Variants in CDH4 observed in about 807,000 individuals in gnomAD.
CDH4 encodes cadherin 4, also known as cadherin-4.
Under a neutral mutation model 86.0 loss-of-function variants are expected in CDH4, and 33 were observed. The observed-to-expected ratio is 0.38, with a 90% confidence interval of 0.29 to 0.51. CDH4 has a LOEUF of 0.51. Among genes scored for constraint, CDH4 ranks in the 20% least tolerant of loss-of-function variants. The probability of loss-of-function intolerance (pLI) is 0.86; values close to 1 mark genes in which losing one functional copy is unlikely to be tolerated. For missense variants in CDH4, 1,114 were observed against 1,307.4 expected, an observed-to-expected ratio of 0.85 and a Z score of 2.28; for synonymous variants, 555 against 549.4, an observed-to-expected ratio of 1.01 and a Z score of -0.14.
At position 61,565,222 on chromosome 20, in the gene CDH4, A is replaced by C. The variant is rs1257409185; in HGVS notation, c.170-178341A>C. Among the ~76,000 whole-genome samples the C allele has an allele frequency of 1.1e-3, 12 of 10,708 alleles. 1 individual carries two copies. The highest frequency in any genetic ancestry group is 3.0e-3 in the South Asian group (1 of 330). The allele number at this position is 10,708 out of a possible 152,430, so 7.0% of individuals were successfully genotyped here. A position where few individuals can be genotyped will look rare whatever the true frequency, so the allele number is the denominator to read the frequency against. The stretch of plus-strand genomic sequence containing the variant: ...TGGTGGTCGCGGTGCTCTCGGTGGT[A>C]GGTGGTGGTGGTGGTGGTGGCGGTG... On this transcript the variant is annotated intron_variant, in intron 2 of 15. Coordinates refer to ENST00000614565, the MANE Select transcript of CDH4 (RefSeq NM_001794.5).
chr20:61,591,519 C>T (rs911349791), intron 2 of CDH4, among the ~76,000 whole-genome samples: 26 of 152,256 alleles, frequency 1.7e-4, no homozygotes, highest in Non-Finnish European at 3.1e-4. Flanking sequence ...AAAAAATCAG[C>T]CTCACTCAGG....
At chr20:61,323,452 C>T (rs2084519959) in intron 2 of CDH4, among the ~76,000 whole-genome samples, 1 of 152,192 alleles carries the variant, frequency 6.6e-6, no homozygotes, top group African/African-American at 2.4e-5. Context: ...TTGGCTGAAT[C>T]CATGCACAGG....
At chr20:61,443,300 G>A (rs886757661) in intron 2 of CDH4, among the ~76,000 whole-genome samples, 1 of 152,150 alleles carries the variant, frequency 6.6e-6, no homozygotes, top group African/African-American at 2.4e-5. Context: ...TTAGAAATCA[G>A]CCCTGAAATG....
intron 2 of CDH4, among the ~76,000 whole-genome samples, chr20:61,353,685 C>CCT (rs2084729005): frequency 1.9e-5 from 1 of 53,462 alleles, no homozygotes; most frequent in Non-Finnish European, 3.9e-5. Flanking sequence ...TCCTCCTCCC[C>CCT]CTCCTCCTCC....
At chr20:61,929,471 G>GTGTA in intron 12 of CDH4, 138 bp from the exon 13 acceptor site, 1 of 655,448 alleles carries the variant, frequency 1.5e-6, no homozygotes, top group Non-Finnish European at 2.7e-6. Context: ...TGTAGCACAG[G>GTGTA]TGTATGTATG....
In CDH4 at chr20:61,425,923, A is replaced by G. The variant is rs147158347; in HGVS notation, c.169+170986A>G. 4.1e-4 allele frequency among the ~76,000 whole-genome samples: 62 copies of G among 152,286 alleles called. No homozygotes were observed. In the East Asian group the frequency reaches 0.012, roughly 29 times the overall value. On this transcript the variant is annotated intron_variant, in intron 2 of 15. Transcript: ENST00000614565. Reference sequence around the variant, plus strand: ...GGCCCCGCCCAGGGCAGGATGGCCAATTGCAGGAGGTGCTGATGTCCTCAG... The same window carrying G: ...GGCCCCGCCCAGGGCAGGATGGCCAGTTGCAGGAGGTGCTGATGTCCTCAG...
At chr20:61,538,926 G>A (rs1443894022) in intron 2 of CDH4, among the ~76,000 whole-genome samples, 3 of 152,220 alleles carry the variant, frequency 2.0e-5, no homozygotes, top group Non-Finnish European at 2.9e-5. Context: ...CCAGGGCACC[G>A]TGGCTTCCTG....
intron 8 of CDH4, among the ~76,000 whole-genome samples, chr20:61,906,873 A>G (rs1437454957): frequency 6.6e-6 from 1 of 151,936 alleles, no homozygotes; most frequent in Non-Finnish European, 1.5e-5. Flanking sequence ...TGTTCATGGC[A>G]TCTCTGGAGA....
At chr20:61,791,346 A>G (rs568581073) in intron 4 of CDH4, among the ~76,000 whole-genome samples, 7 of 152,356 alleles carry the variant, frequency 4.6e-5, no homozygotes, top group African/African-American at 1.4e-4. Flanking sequence ...TTGTTTTCCT[A>G]AATCATCAGC....
chr20:61,930,090 A>G (rs1422195106), intron 13 of CDH4, among the ~76,000 whole-genome samples: 2 of 152,110 alleles, frequency 1.3e-5, no homozygotes, highest in Non-Finnish European at 2.9e-5. Flanking sequence ...GCCCCTTTCC[A>G]CGGCTCCACT....
At chr20:61,571,839 C>T (rs1432020466) in intron 2 of CDH4, among the ~76,000 whole-genome samples, 1 of 149,932 alleles carries the variant, frequency 6.7e-6, no homozygotes, top group Non-Finnish European at 1.5e-5. Flanking sequence ...CATGCTGCGC[C>T]AGGCACCACA....
At chr20:61,830,576 CCGCCTCCCA>C (rs1176746180) in intron 4 of CDH4, among the ~76,000 whole-genome samples, 2 of 152,232 alleles carry the variant, frequency 1.3e-5, no homozygotes, top group African/African-American at 4.8e-5. Context: ...TGCAGCGGCC[CCGCCTCCCA>C]GGCCTCCCCC....
At chr20:61,367,246 G>T (rs915397438) in intron 2 of CDH4, among the ~76,000 whole-genome samples, 2 of 104,636 alleles carry the variant, frequency 1.9e-5, no homozygotes, top group Non-Finnish European at 4.6e-5. Context: ...TAACACACCT[G>T]AGAGTGTCTT....
intron 2 of CDH4, among the ~76,000 whole-genome samples, chr20:61,644,584 G>A (rs1298944457): frequency 1.0e-5 from 1 of 100,456 alleles, no homozygotes; most frequent in Admixed American, 9.6e-5. Flanking sequence ...CCAGCCAGAG[G>A]AGAAGCACAA....
rs2146151948 is a variant in CDH4 at position 61,875,365 on chromosome 20, T to A, written c.1050+1465T>A. Reference sequence around the variant, plus strand: ...GGTAACCCTTGGCAGCCATGCGGCTTGCGGGGAAGGCGAGGTGGCCGCCGG... The same window carrying A: ...GGTAACCCTTGGCAGCCATGCGGCTAGCGGGGAAGGCGAGGTGGCCGCCGG... On this transcript the variant is annotated intron_variant, in intron 7 of 15. Coordinates refer to ENST00000614565, the MANE Select transcript of CDH4 (RefSeq NM_001794.5). 1.3e-5 allele frequency among the ~76,000 whole-genome samples: 2 copies of A among 152,106 alleles called. 1 individual carries two copies. Among genetic ancestry groups the A allele is most frequent in the South Asian group, 4.1e-4 (2 of 4,820 alleles).
intron 4 of CDH4, among the ~76,000 whole-genome samples, chr20:61,826,050 G>A (rs1981296675): frequency 6.6e-6 from 1 of 152,100 alleles, no homozygotes; most frequent in Non-Finnish European, 1.5e-5. Context: ...GCCTCCTCAC[G>A]GTCCTCCCTG....
intron 2 of CDH4, among the ~76,000 whole-genome samples, chr20:61,293,721 C>T (rs2084336069): frequency 6.6e-6 from 1 of 152,178 alleles, no homozygotes; most frequent in South Asian, 2.1e-4. Context: ...GTGAGGACCT[C>T]CTAAATTATG....
At chr20:61,881,556 G>A (rs1354654103) in intron 7 of CDH4, among the ~76,000 whole-genome samples, 2 of 152,244 alleles carry the variant, frequency 1.3e-5, no homozygotes, top group African/African-American at 2.4e-5. Context: ...TTAGTCGACC[G>A]CTGTTCATCT....
At chr20:61,475,439 C>G (rs1226265489) in intron 2 of CDH4, among the ~76,000 whole-genome samples, 1 of 108,034 alleles carries the variant, frequency 9.3e-6, no homozygotes, top group East Asian at 2.9e-4. Flanking sequence ...CTTTCTCCCC[C>G]ATGGAATTTA....
Sources: gnomAD v4.1 joint callset for allele counts (sites outside exome capture counted in the v4.1 genomes callset) on GRCh38, gnomAD v4.1.1 for gene constraint, MANE v1.5 for transcripts, NCBI Gene and HGNC (gene_info 2026-07-23, HGNC 2026-07-21) for gene names.